Variants in NUP35 observed in about 807,000 individuals in gnomAD.
NUP35 encodes the protein nucleoporin NUP35.
In NUP35, 25 loss-of-function variants were observed where a neutral mutation model predicts 41.5. That is an observed-to-expected ratio of 0.60 (90% CI 0.44 to 0.84). The LOEUF is 0.84. Ranked by LOEUF, NUP35 falls within the 40% of genes least tolerant of loss-of-function variation. The probability of loss-of-function intolerance (pLI) is 0.00; values close to 1 mark genes in which losing one functional copy is unlikely to be tolerated. For missense variants in NUP35, 396 were observed against 396.6 expected (o/e 1.00, Z 0.01); for synonymous variants, 149 against 130.7 (o/e 1.14, Z -0.96).
chr2:183,144,021 A>G (rs1039304652), intron 4 of NUP35, among the ~76,000 whole-genome samples: 24 of 152,238 alleles, frequency 1.6e-4, no homozygotes, highest in Non-Finnish European at 2.9e-4. Flanking sequence ...GAGGTTACCA[A>G]GGCTGCTTGT....
chr2:183,131,843 A>C (rs1365721427), intron 3 of NUP35, among the ~76,000 whole-genome samples: 5 of 152,136 alleles, frequency 3.3e-5, no homozygotes, highest in Non-Finnish European at 5.9e-5. Context: ...GTAAAATTAC[A>C]CGTATGGAAT....
rs753039011 is a variant in NUP35, at chr2:183,151,587, T to G, written c.477T>G (p.Tyr159Ter). The G allele has an allele frequency of 6.2e-7, 1 of 1,613,818 alleles. No homozygotes were observed. Among genetic ancestry groups the G allele is most frequent in the South Asian group, 1.1e-5 (1 of 91,082 alleles). The stretch of plus-strand genomic sequence containing the variant: ...CTCCTGCCCAGTTGGATCCTTTTTA[T>G]ACTCAAGGAGATTCTTTGACTTCAG... Reference protein sequence around the residue: ...TLSPAQLDPFYTQGDSLTSED... With the variant: ...TLSPAQLDPF The change falls in exon 5 of 9, where the codon TAT becomes TAG. Residue 159 changes from tyrosine to a stop codon, truncating the protein, a stop_gained. Transcript: ENST00000295119. LOFTEE classifies it high-confidence loss of function.
At position 183,124,482 on chromosome 2, in the gene NUP35, C is replaced by A; in HGVS notation, c.25C>A (p.Gln9Lys). 2.5e-6 allele frequency: 4 copies of A among 1,614,198 alleles called. No individual in the cohort carries two copies. Among genetic ancestry groups the A allele is most frequent in the Non-Finnish European group, 3.4e-6 (4 of 1,180,022 alleles). ...AATGGCAGCCTTTGCAGTGGAACCT[C>A]AGGGGCCCGCGTTAGGTGAGTGAAA... MAAFAVEP[Q>K]GPALGSEPMM... The change falls in exon 1 of 9, where the codon CAG becomes AAG. Residue 9 changes from glutamine to lysine, a missense_variant. Coordinates refer to ENST00000295119, the MANE Select transcript of NUP35 (RefSeq NM_138285.5).
At chr2:183,123,993 A>G (rs1253282089), upstream of NUP35, among the ~76,000 whole-genome samples, 2 of 152,232 alleles carry the variant, frequency 1.3e-5, no homozygotes, top group African/African-American at 4.8e-5. Context: ...AGTAGAAAAC[A>G]TGCTTTGAGG....
intron 5 of NUP35, among the ~76,000 whole-genome samples, chr2:183,152,172 A>T (rs1685494588): frequency 1.4e-5 from 2 of 139,998 alleles, no homozygotes; most frequent in Admixed American, 7.7e-5. Context: ...CAGGGTTGAT[A>T]CTTTCTGGTC....
chr2:183,159,534 T>C lies in NUP35; in HGVS notation c.785T>C (p.Leu262Ser), dbSNP rs753503027. Residue 262 changes from leucine to serine, a missense_variant, in exon 8 of 9, where the codon TTA becomes TCA. By Grantham distance (145) the Leu-to-Ser change is moderately radical. Coordinates refer to ENST00000295119, the MANE Select transcript of NUP35 (RefSeq NM_138285.5). ...AGATGTGCTTTATCATCTCCATCTT[T>C]AGCCTTTACACCACCAATCAAAACT... is the stretch of plus-strand genomic sequence containing the variant. The part of the protein sequence containing the change: ...SDRCALSSPS[L>S]AFTPPIKTLG... 1.2e-6 allele frequency: 2 copies of C among 1,613,768 alleles called. No homozygotes were observed. The highest frequency in any genetic ancestry group is 1.7e-6 in the Non-Finnish European group (2 of 1,179,820).
chr2:183,151,777 A>G (rs185688555), intron 5 of NUP35, 128 bp downstream of exon 5: 33 of 775,186 alleles, frequency 4.3e-5, no homozygotes, highest in Middle Eastern at 3.7e-4. Context: ...CCTAGGTTCT[A>G]TGGTTAACAG....
At chr2:183,138,269 A>ATATATATATATATATATTTTT in intron 4 of NUP35, among the ~76,000 whole-genome samples, 2 of 80,692 alleles carry the variant, frequency 2.5e-5, no homozygotes, top group African/African-American at 1.2e-4. Flanking sequence ...ATATATATAT[A>ATATATATATATATATATTTTT]TTTTTTTTTT....
In NUP35 at chr2:183,158,287, C is replaced by T; in HGVS notation, c.614C>T (p.Ser205Phe). 1 of 1,580,976 alleles carries T rather than the reference C, an allele frequency of 6.3e-7. No homozygotes were observed. The highest frequency in any genetic ancestry group is 8.6e-7 in the Non-Finnish European group (1 of 1,161,040). Residue 205 changes from serine (S) to phenylalanine (F), a missense_variant, in exon 7 of 9, where the codon TCT becomes TTT. Coordinates refer to ENST00000295119, the MANE Select transcript of NUP35 (RefSeq NM_138285.5). Reference protein sequence around the residue: ...QYGNILKHVMSNTGNWMHIRY... With the variant: ...QYGNILKHVMFNTGNWMHIRY... ...AGACAGTTTTATTCTTTGCAGATGT[C>T]TAATACAGGAAATTGGATGCATATT... is the stretch of plus-strand genomic sequence containing the variant.
chr2:183,127,231 C>T (rs1037556242), intron 1 of NUP35, among the ~76,000 whole-genome samples: 1 of 151,230 alleles, frequency 6.6e-6, no homozygotes, highest in Non-Finnish European at 1.5e-5. Flanking sequence ...GGTTTCAGTT[C>T]TCTAAGTTGG....
At chr2:183,130,575 GAAC>G in intron 3 of NUP35, 30 bp downstream of exon 3, 1 of 1,603,926 alleles carries the variant, frequency 6.2e-7, no homozygotes, top group Non-Finnish European at 8.5e-7. Flanking sequence ...GATCCCCAAT[GAAC>G]AACATCATGG....
At chr2:183,141,238 TCTC>T (rs1685085636) in intron 4 of NUP35, among the ~76,000 whole-genome samples, 1 of 152,042 alleles carries the variant, frequency 6.6e-6, no homozygotes. Context: ...TGAAGTAAAA[TCTC>T]CTACTTCCCT....
intron 7 of NUP35, 141 bp from the exon 8 acceptor site, chr2:183,159,347 G>C (rs565963577): frequency 1.5e-6 from 1 of 676,758 alleles, no homozygotes; most frequent in East Asian, 3.0e-5. Context: ...ATTTTCTCAA[G>C]CCTAAAATTA....
At chr2:183,144,256 A>G (rs1685199301) in intron 4 of NUP35, among the ~76,000 whole-genome samples, 1 of 152,200 alleles carries the variant, frequency 6.6e-6, no homozygotes, top group African/African-American at 2.4e-5. Context: ...GAGTACTACC[A>G]ACTAGGGAAG....
chr2:183,124,393 A>C, upstream of NUP35: 1 of 1,613,734 alleles, frequency 6.2e-7, no homozygotes, highest in South Asian at 1.1e-5. Context: ...ACCCGTGGGG[A>C]GCGTTTCCGC....
chr2:183,129,770 A>C (rs1000681792), intron 2 of NUP35, among the ~76,000 whole-genome samples: 8 of 152,240 alleles, frequency 5.3e-5, no homozygotes, highest in Non-Finnish European at 1.0e-4. Flanking sequence ...CTGTGCTCTA[A>C]ATAGCTTAAG....
In NUP35 at chr2:183,130,387, C is replaced by CTTT. The variant is rs34173657; in HGVS notation, c.212-14_212-12dup. On this transcript the variant is annotated intron_variant, in intron 2 of 8. Transcript: ENST00000295119. ...AAAATCTTACCAAAAAGAAGAATCCCTTTTTTTTTTTTTTTTTTTGTACAC... is the reference window on the plus strand; with the variant it reads ...AAAATCTTACCAAAAAGAAGAATCCCTTTTTTTTTTTTTTTTTTTTTTGTACAC... 1,168 of 1,272,240 alleles carry CTTT rather than the reference C, an allele frequency of 9.2e-4. 15 individuals are homozygous for CTTT. The highest frequency in any genetic ancestry group is 1.4e-3 in the South Asian group (82 of 57,934). The allele number at this position is 1,272,240 out of a possible 1,614,324, so 78.8% of individuals were successfully genotyped here. A position where few individuals can be genotyped will look rare whatever the true frequency, so the allele number is the denominator to read the frequency against.
intron 5 of NUP35, among the ~76,000 whole-genome samples, chr2:183,156,815 A>G (rs1422319150): frequency 1.3e-5 from 2 of 152,142 alleles, no homozygotes; most frequent in East Asian, 1.9e-4. Flanking sequence ...TGTTAAGACT[A>G]TAAAAGAATA....
rs1469922596 is a variant in NUP35 at position 183,128,202 on chromosome 2, T to C, written c.41-85T>C. 27 of 1,129,140 alleles carry C rather than the reference T, an allele frequency of 2.4e-5. 1 individual carries two copies. The highest frequency in any genetic ancestry group is 3.2e-5 in the Non-Finnish European group (27 of 846,976). 69.9% of individuals were successfully genotyped at this position (1,129,140 alleles called of 1,614,324 possible). A position where few individuals can be genotyped will look rare whatever the true frequency, so the allele number is the denominator to read the frequency against. ...AGTTTTGATTAAATTTGCAAAATTA[T>C]GTTAGATTCTTGCATGTTTTTGTCA... On this transcript the variant is annotated intron_variant, in intron 1 of 8. Transcript: ENST00000295119.
Sources: gnomAD v4.1 joint callset for allele counts (sites outside exome capture counted in the v4.1 genomes callset) on GRCh38, gnomAD v4.1.1 for gene constraint, MANE v1.5 for transcripts, NCBI Gene and HGNC (gene_info 2026-07-23, HGNC 2026-07-21) for gene names.